Variants in ZNF43 observed in about 807,000 individuals in gnomAD.
ZNF43 encodes the protein zinc finger protein 43.
Under a neutral mutation model 68.4 loss-of-function variants are expected in ZNF43, and 44 were observed. The ratio of observed to expected loss-of-function variants is 0.64; its 90% CI spans 0.51 to 0.83. The LOEUF (loss-of-function observed/expected upper bound fraction) is 0.83. Among genes scored for constraint, ZNF43 ranks in the 40% least tolerant of loss-of-function variants. The pLI is 0.00. For synonymous variants in ZNF43, 308 were observed against 307.8 expected (o/e 1.00, Z -0.01); for missense variants, 896 against 933.2 (o/e 0.96, Z 0.52).
Position 21,817,965 on chromosome 19 carries a change from T to C in ZNF43, c.152A>G (p.Asp51Gly). ...VFLGIAVSKP[D>G]LITCLEQEKE... Reference sequence around the variant, plus strand: ...TTCTTGCTCCAGACAGGTGATCAGGTCTGGCTTAGAGACAGCAATACCTGT... The same window carrying C: ...TTCTTGCTCCAGACAGGTGATCAGGCCTGGCTTAGAGACAGCAATACCTGT... The change falls in exon 3 of 4, where the codon GAC becomes GGC. Residue 51 changes from aspartate (D) to glycine (G), a missense_variant. Transcript: ENST00000354959. 6.2e-7 allele frequency: 1 copy of C among 1,613,456 alleles called. No individual in the cohort carries two copies. Among genetic ancestry groups the C allele is most frequent in the Non-Finnish European group, 8.5e-7 (1 of 1,179,572 alleles).
chr19:21,844,613 C>T (rs572384360), intron 1 of ZNF43, among the ~76,000 whole-genome samples: 1 of 151,788 alleles, frequency 6.6e-6, no homozygotes, highest in East Asian at 1.9e-4. Flanking sequence ...ATATATGTGA[C>T]AAGGGCCGGG....
upstream of ZNF43, among the ~76,000 whole-genome samples, chr19:21,839,288 C>A (rs1017715419): frequency 7.1e-6 from 1 of 141,644 alleles, no homozygotes; most frequent in Admixed American, 7.4e-5. Flanking sequence ...GGTGTTGGAC[C>A]CAGCCATATA....
chr19:21,819,233 AAC>A lies in ZNF43; in HGVS notation c.4-14_4-13del. The A allele has an allele frequency of 6.3e-7, 1 of 1,585,718 alleles. No homozygotes were observed. Among genetic ancestry groups the A allele is most frequent in the Non-Finnish European group, 8.5e-7 (1 of 1,170,480 alleles). ...AATGTCAATGGTCCCTAAAAAAAAC[AAC>A]ACATACACACACAAACACACACATT... On this transcript the variant is annotated splice_polypyrimidine_tract_variant and intron_variant, in intron 1 of 3. Coordinates refer to ENST00000354959, the MANE Select transcript of ZNF43 (RefSeq NM_003423.4).
intron 2 of ZNF43, 120 bp from the exon 3 acceptor site, chr19:21,818,106 A>AC: frequency 2.3e-6 from 2 of 866,372 alleles, no homozygotes; most frequent in South Asian, 4.3e-5. Context: ...CAAAATACTA[A>AC]TTTTTTTTTT....
At chr19:21,826,953 C>T (rs1260628061) in intron 1 of ZNF43, 1 of 152,392 alleles carries the variant, frequency 6.6e-6, no homozygotes, top group Non-Finnish European at 1.5e-5. Context: ...AAACAGACAC[C>T]CAAAGCATTA....
At chr19:21,831,935 T>G (rs1361674923) in intron 1 of ZNF43, among the ~76,000 whole-genome samples, 4 of 152,170 alleles carry the variant, frequency 2.6e-5, no homozygotes, top group African/African-American at 9.7e-5. Flanking sequence ...ATAGAAAAGG[T>G]ATCATTAAAA....
At chr19:21,836,290 C>G, upstream of ZNF43, 1 of 1,263,392 alleles carries the variant, frequency 7.9e-7, no homozygotes, top group Non-Finnish European at 1.0e-6. Flanking sequence ...AGGTCCTGCC[C>G]CCGCAAACCC....
chr19:21,839,331 C>CAAAAAAAAAA (rs61335194), upstream of ZNF43, among the ~76,000 whole-genome samples: 2 of 28,298 alleles, frequency 7.1e-5, no homozygotes, highest in Non-Finnish European at 1.4e-4. Context: ...AGAGATCAGG[C>CAAAAAAAAAA]AAAAAAAAAA....
At chr19:21,829,312 G>A in intron 1 of ZNF43, among the ~76,000 whole-genome samples, 1 of 152,082 alleles carries the variant, frequency 6.6e-6, no homozygotes, top group East Asian at 1.9e-4. Context: ...TCTTGCTTTT[G>A]CAGTGTAAGT....
rs2036991482 is a variant in ZNF43, at chr19:21,807,464, G to A, written c.*143C>T. ...TTCTTTCCTGTGCAATAAGGTACGA[G>A]CATTAATTAAAAGTTTTGCCACATT... On this transcript the variant is annotated 3_prime_UTR_variant, in exon 4 of 4. Coordinates refer to ENST00000354959, the MANE Select transcript of ZNF43 (RefSeq NM_003423.4). 1.3e-6 allele frequency: 1 copy of A among 778,748 alleles called. No homozygotes were observed. Among genetic ancestry groups the A allele is most frequent in the East Asian group, 2.8e-5 (1 of 36,300 alleles). The allele number at this position is 778,748 out of a possible 1,614,324, so 48.2% of individuals were successfully genotyped here.
intron 3 of ZNF43, among the ~76,000 whole-genome samples, chr19:21,813,877 C>A (rs549047906): frequency 8.5e-5 from 13 of 152,154 alleles, no homozygotes; most frequent in South Asian, 4.1e-4. Context: ...ATCCCTCCCC[C>A]TCAATCTCCC....
chr19:21,822,930 G>A (rs116480376), intron 1 of ZNF43, among the ~76,000 whole-genome samples: 3 of 152,108 alleles, frequency 2.0e-5, no homozygotes, highest in East Asian at 1.9e-4. Context: ...TTTTTTAGCC[G>A]CTGCCCTGTC....
intron 3 of ZNF43, among the ~76,000 whole-genome samples, chr19:21,816,180 T>G (rs1323464297): frequency 6.6e-6 from 1 of 152,072 alleles, no homozygotes; most frequent in Non-Finnish European, 1.5e-5. Context: ...GCAAGAACGT[T>G]TCTCAGCCAT....
At chr19:21,849,225 G>A (rs568628514) in intron 1 of ZNF43, among the ~76,000 whole-genome samples, 1 of 152,174 alleles carries the variant, frequency 6.6e-6, no homozygotes, top group Admixed American at 6.5e-5. Flanking sequence ...ACGGTGGCTG[G>A]CGCCTGTAAC....
chr19:21,810,555 C>T (rs1599451635), intron 3 of ZNF43, among the ~76,000 whole-genome samples: 1 of 152,196 alleles, frequency 6.6e-6, no homozygotes, highest in African/African-American at 2.4e-5. Context: ...GGAGACTTAA[C>T]AGACTCATAC....
Position 21,807,312 on chromosome 19 carries a change from T to C in ZNF43, c.*295A>G. 1.4e-5 allele frequency: 3 copies of C among 217,432 alleles called. No individual in the cohort carries two copies. The highest frequency in any genetic ancestry group is 2.7e-5 in the Non-Finnish European group (3 of 110,714). The allele number at this position is 217,432 out of a possible 1,614,324, so 13.5% of individuals were successfully genotyped here. A position where few individuals can be genotyped will look rare whatever the true frequency, so the allele number is the denominator to read the frequency against. On this transcript the variant is annotated 3_prime_UTR_variant, in exon 4 of 4. Transcript: ENST00000354959. ...TTAAAGGCTTTTATTTTCTGAAAGATCTTTTGACACTAGTTGCATCTATAA... is the reference window on the plus strand; with the variant it reads ...TTAAAGGCTTTTATTTTCTGAAAGACCTTTTGACACTAGTTGCATCTATAA...
chr19:21,811,088 C>A (rs2037249259), intron 3 of ZNF43, among the ~76,000 whole-genome samples: 2 of 152,344 alleles, frequency 1.3e-5, no homozygotes, highest in South Asian at 4.1e-4. Flanking sequence ...CACTCTTCAA[C>A]ATATTCTTGC....
At chr19:21,815,105 T>C (rs2145196212) in intron 3 of ZNF43, among the ~76,000 whole-genome samples, 3 of 151,622 alleles carry the variant, frequency 2.0e-5, no homozygotes, top group African/African-American at 7.3e-5. Flanking sequence ...GGAGAATCGC[T>C]GGAACCTGGA....
rs2036970827 is a variant in ZNF43, at chr19:21,806,987, T to C, written c.*620A>G. The C allele has an allele frequency of 6.6e-6, 1 of 152,198 alleles. No individual in the cohort carries two copies. Among genetic ancestry groups the C allele is most frequent in the African/African-American group, 2.4e-5 (1 of 41,466 alleles). 9.4% of individuals were successfully genotyped at this position (152,198 alleles called of 1,614,324 possible). On this transcript the variant is annotated 3_prime_UTR_variant, in exon 4 of 4. Transcript: ENST00000354959. ...TGTTTTTCCAAACTGATTACATTTG[T>C]AGGGTTTTTCTCCAATATAAATTCC...
Sources: gnomAD v4.1 joint callset for allele counts (sites outside exome capture counted in the v4.1 genomes callset) on GRCh38, gnomAD v4.1.1 for gene constraint, MANE v1.5 for transcripts, NCBI Gene and HGNC (gene_info 2026-07-23, HGNC 2026-07-21) for gene names.